AUH: variants seen among roughly 807,000 people sequenced by gnomAD.
AUH encodes AU RNA binding methylglutaconyl-CoA hydratase.
In AUH, 29 loss-of-function variants were observed where a neutral mutation model predicts 42.3. That is an observed-to-expected ratio of 0.69 (90% CI 0.51 to 0.93). The LOEUF is 0.93. AUH is among the 40% of genes least tolerant of loss of function. AUH has a pLI of 0.00. For missense variants in AUH, 452 were observed against 438.1 expected, an observed-to-expected ratio of 1.03 and a Z score of -0.28; for synonymous variants, 174 against 166.4, an observed-to-expected ratio of 1.05 and a Z score of -0.35.
At chr9:91,317,770 C>A (rs555651194) in intron 4 of AUH, among the ~76,000 whole-genome samples, 1 of 152,288 alleles carries the variant, frequency 6.6e-6, no homozygotes, top group East Asian at 1.9e-4. Context: ...GAAAGAGATA[C>A]CTTTCGTCAG....
intron 6 of AUH, among the ~76,000 whole-genome samples, chr9:91,243,272 T>C (rs1282587665): frequency 6.6e-6 from 1 of 152,222 alleles, no homozygotes; most frequent in African/African-American, 2.4e-5. Flanking sequence ...TCCTTAGCTA[T>C]CTTTGCCAGG....
rs184283656 is a variant in AUH at position 91,306,487 on chromosome 9, C to T, written c.506-8411G>A. On this transcript the variant is annotated intron_variant, in intron 4 of 9. Coordinates refer to ENST00000375731, the MANE Select transcript of AUH (RefSeq NM_001698.3). Reference sequence around the variant, plus strand: ...TTTACTTTCACTTGGCAGGAAAAAACCTCACCATTATTGCCTTGCTTCATA... The same window carrying T: ...TTTACTTTCACTTGGCAGGAAAAAATCTCACCATTATTGCCTTGCTTCATA... 5.7e-4 allele frequency: 313 copies of T among 548,340 alleles called. 3 individuals carry two copies. The African/African-American group carries it at 6.2e-3, about 11-fold the overall frequency. 34.0% of individuals were successfully genotyped at this position (548,340 alleles called of 1,614,324 possible). A position where few individuals can be genotyped will look rare whatever the true frequency, so the allele number is the denominator to read the frequency against.
At chr9:91,231,990 T>C (rs1827912036) in intron 6 of AUH, among the ~76,000 whole-genome samples, 1 of 152,252 alleles carries the variant, frequency 6.6e-6, no homozygotes, top group African/African-American at 2.4e-5. Context: ...TGTACTTATA[T>C]GATTTTGAAT....
At chr9:91,329,895 C>CT (rs1218376349) in intron 3 of AUH, among the ~76,000 whole-genome samples, 3 of 152,186 alleles carry the variant, frequency 2.0e-5, no homozygotes, top group African/African-American at 7.2e-5. Context: ...CTAACATAAT[C>CT]TTTAACAGTC....
intron 3 of AUH, among the ~76,000 whole-genome samples, chr9:91,352,955 A>C (rs1171800897): frequency 6.6e-6 from 1 of 152,230 alleles, no homozygotes; most frequent in African/African-American, 2.4e-5. Flanking sequence ...TGAGCAAGGT[A>C]TCACTGGAAT....
chr9:91,318,728 G>A (rs999293249), intron 4 of AUH, among the ~76,000 whole-genome samples: 41 of 152,170 alleles, frequency 2.7e-4, no homozygotes, highest in Admixed American at 7.2e-4. Context: ...AATAATTCAG[G>A]ATAAGCCATA....
At chr9:91,249,527 A>G (rs1829005220) in intron 6 of AUH, among the ~76,000 whole-genome samples, 1 of 151,826 alleles carries the variant, frequency 6.6e-6, no homozygotes, top group Non-Finnish European at 1.5e-5. Flanking sequence ...TTTTTTTGGT[A>G]ACACCGACAT....
At chr9:91,342,752 C>T (rs896848706) in intron 3 of AUH, 6 of 152,200 alleles carry the variant, frequency 3.9e-5, no homozygotes, top group African/African-American at 4.8e-5. Context: ...TCATTTTTAA[C>T]GGCATCTCTG....
At chr9:91,320,369 T>C (rs535826838) in intron 4 of AUH, among the ~76,000 whole-genome samples, 2 of 152,338 alleles carry the variant, frequency 1.3e-5, no homozygotes, top group South Asian at 4.1e-4. Flanking sequence ...AAACCTAACT[T>C]AGGAGTATGC....
At chr9:91,335,466 G>A (rs564819025) in intron 3 of AUH, among the ~76,000 whole-genome samples, 41 of 152,126 alleles carry the variant, frequency 2.7e-4, no homozygotes, top group Non-Finnish European at 1.0e-4. Flanking sequence ...CTTGCCAAAA[G>A]TCTGACTATT....
intron 6 of AUH, among the ~76,000 whole-genome samples, chr9:91,266,319 G>C (rs184891820): frequency 8.6e-5 from 13 of 151,854 alleles, no homozygotes; most frequent in African/African-American, 3.1e-4. Context: ...CCAAGATCAC[G>C]CCACTGCACT....
chr9:91,311,496 T>C (rs1477972867), intron 4 of AUH, among the ~76,000 whole-genome samples: 1 of 152,266 alleles, frequency 6.6e-6, no homozygotes, highest in Non-Finnish European at 1.5e-5. Flanking sequence ...AATGAAAACC[T>C]ATTTTAAATA....
At chr9:91,332,779 G>T (rs1478900198) in intron 3 of AUH, among the ~76,000 whole-genome samples, 3 of 152,132 alleles carry the variant, frequency 2.0e-5, no homozygotes, top group African/African-American at 7.2e-5. Context: ...AGAAATGCGT[G>T]CGCACAATTG....
chr9:91,358,188 T>C lies in AUH; in HGVS notation c.263-2033A>G, dbSNP rs536961215. 4.6e-5 allele frequency among the ~76,000 whole-genome samples: 7 copies of C among 152,366 alleles called. No homozygotes were observed. In the South Asian group the frequency reaches 1.4e-3, roughly 32 times the overall value. On this transcript the variant is annotated intron_variant, in intron 1 of 9. Coordinates refer to ENST00000375731, the MANE Select transcript of AUH (RefSeq NM_001698.3). ...CTGGAAGAAAGTGTTAAGGAGTATT[T>C]ACCAGGTTTCTGGCTTCACCAATTG...
At chr9:91,326,651 G>A (rs1156258509) in intron 3 of AUH, among the ~76,000 whole-genome samples, 1 of 152,092 alleles carries the variant, frequency 6.6e-6, no homozygotes, top group East Asian at 1.9e-4. Flanking sequence ...AAAACACACA[G>A]AAATGATAAA....
chr9:91,331,404 A>G (rs917054437), intron 3 of AUH, among the ~76,000 whole-genome samples: 1 of 152,240 alleles, frequency 6.6e-6, no homozygotes, highest in Non-Finnish European at 1.5e-5. Context: ...ATAAGATTCA[A>G]TAAGATTTCA....
intron 6 of AUH, among the ~76,000 whole-genome samples, chr9:91,294,389 A>C (rs1475160283): frequency 4.6e-5 from 7 of 152,186 alleles, no homozygotes; most frequent in Non-Finnish European, 8.8e-5. Context: ...CTCTACAAAA[A>C]ATACAAAAAT....
At chr9:91,337,163 CT>C (rs1830755787) in intron 3 of AUH, among the ~76,000 whole-genome samples, 1 of 152,188 alleles carries the variant, frequency 6.6e-6, no homozygotes, top group South Asian at 2.1e-4. Context: ...CTGTTATTTA[CT>C]GCTATATCCT....
chr9:91,217,284 C>T lies in AUH; in HGVS notation c.887G>A (p.Gly296Glu), dbSNP rs1225828560. 1.2e-6 allele frequency: 2 copies of T among 1,613,782 alleles called. No individual in the cohort carries two copies. Among genetic ancestry groups the T allele is most frequent in the South Asian group, 1.1e-5 (1 of 91,076 alleles). ...MRVAKLAINQ[G>E]MEVDLVTGLA... ...AAGCATTAAGGAACCTACCTCCATCCCTTGATTAATTGCTAATTTTGCCAC... is the reference window on the plus strand; with the variant it reads ...AAGCATTAAGGAACCTACCTCCATCTCTTGATTAATTGCTAATTTTGCCAC... The change falls in exon 8 of 10, where the codon GGG becomes GAG. Residue 296 changes from glycine (G) to glutamate (E), a missense_variant. Coordinates refer to ENST00000375731, the MANE Select transcript of AUH (RefSeq NM_001698.3).
Sources: allele counts gnomAD v4.1 joint callset (sites outside exome capture counted in the v4.1 genomes callset), GRCh38; gene constraint gnomAD v4.1.1; transcripts MANE v1.5; gene names NCBI Gene and HGNC (gene_info 2026-07-23, HGNC 2026-07-21).